The following ZBTB25 variants were observed in gnomAD, a reference collection of about 807,000 sequenced individuals.
The protein encoded by ZBTB25 is zinc finger and BTB domain containing 25.
A neutral mutation model predicts 34.2 loss-of-function variants in ZBTB25; 20 were observed. The ratio of observed to expected loss-of-function variants is 0.58; its 90% CI spans 0.41 to 0.85. ZBTB25 has a LOEUF of 0.85. Ranked by LOEUF, ZBTB25 falls within the 40% of genes least tolerant of loss-of-function variation. ZBTB25 has a pLI of 0.00. For synonymous variants in ZBTB25, 175 were observed against 186.4 expected, an observed-to-expected ratio of 0.94 and a Z score of 0.50; for missense variants, 437 against 521.8, an observed-to-expected ratio of 0.84 and a Z score of 1.58.
rs951976689 is a variant in ZBTB25, at chr14:64,483,860, C to T, written c.*3063G>A. The T allele has an allele frequency of 2.4e-4, 33 of 136,082 alleles. No homozygotes were observed. The highest frequency in any genetic ancestry group is 9.3e-4 in the African/African-American group (33 of 35,320). 8.4% of individuals were successfully genotyped at this position (136,082 alleles called of 1,614,324 possible). A position where few individuals can be genotyped will look rare whatever the true frequency, so the allele number is the denominator to read the frequency against. On this transcript the variant is annotated 3_prime_UTR_variant, in exon 3 of 3. Coordinates refer to ENST00000608382, the MANE Select transcript of ZBTB25 (RefSeq NM_006977.5). Reference sequence around the variant, plus strand: ...TCAGGAGGCTGAGGCAGGAGAATCACTTGAATTCGAGAGGCGGAGGTTGCA... The same window carrying T: ...TCAGGAGGCTGAGGCAGGAGAATCATTTGAATTCGAGAGGCGGAGGTTGCA...
intron 2 of ZBTB25, among the ~76,000 whole-genome samples, chr14:64,488,577 T>C (rs1251869623): frequency 6.6e-6 from 1 of 152,194 alleles, no homozygotes; most frequent in Non-Finnish European, 1.5e-5. Flanking sequence ...AATGGAATAT[T>C]ATTCAACCAT....
chr14:64,499,448 C>G (rs1001193945), intron 1 of ZBTB25: 1 of 152,182 alleles, frequency 6.6e-6, no homozygotes, highest in Non-Finnish European at 1.5e-5. Context: ...TACCTATAAT[C>G]CCGGCTACTC....
In ZBTB25 at chr14:64,487,226, T is replaced by C. The variant is rs147675775; in HGVS notation, c.1005A>G (p.Val335=). The C allele has an allele frequency of 8.9e-5, 143 of 1,614,112 alleles. No individual in the cohort carries two copies. The highest frequency in any genetic ancestry group is 1.2e-4 in the Non-Finnish European group (140 of 1,180,052). Residue 335 remains valine (V), a synonymous_variant, in exon 3 of 3, where the codon GTA becomes GTG. Transcript: ENST00000608382. ...VSLISKDTEP[V]ELNCNFSFSR... is the part of the protein sequence containing the mutation. ...AAAAAGAAAAATTACAGTTTAATTC[T>C]ACTGGCTCTGTGTCTTTGGAGATCA...
upstream of ZBTB25, chr14:64,504,967 G>C: frequency 2.5e-6 from 1 of 394,142 alleles, no homozygotes; most frequent in Non-Finnish European, 4.5e-6. Context: ...GCCAGTTGTG[G>C]GGCTATTTGC....
rs2078913083 is a variant in ZBTB25, at chr14:64,487,424, G to A, written c.807C>T (p.Val269=). Residue 269 remains valine (V), a synonymous_variant, in exon 3 of 3, where the codon GTC becomes GTT. Transcript: ENST00000608382. ...CATTACTTTCCAGAATGGAAGCAGG[G>A]ACACCGAATGGCAGGGATCCAGACA... ...THVSGSLPFG[V]PASILESNDL... The A allele has an allele frequency of 5.6e-6, 9 of 1,614,194 alleles. No individual in the cohort carries two copies. Among genetic ancestry groups the A allele is most frequent in the Non-Finnish European group, 7.6e-6 (9 of 1,180,036 alleles).
At chr14:64,455,330 A>G (rs1221909731) in intron 2 of ZBTB25, among the ~76,000 whole-genome samples, 25 of 152,214 alleles carry the variant, frequency 1.6e-4, no homozygotes, top group Non-Finnish European at 8.8e-5. Context: ...ATTTTTAAGT[A>G]AGGAATTTCC....
chr14:64,501,138 T>G (rs1335660537), intron 1 of ZBTB25, among the ~76,000 whole-genome samples: 1 of 152,244 alleles, frequency 6.6e-6, no homozygotes, highest in Non-Finnish European at 1.5e-5. Flanking sequence ...AACACTTTCT[T>G]CTTCCTCCTC....
chr14:64,502,427 T>C (rs2079527531), intron 1 of ZBTB25: 1 of 155,922 alleles, frequency 6.4e-6, no homozygotes. Context: ...CTAAAATATA[T>C]CCAGATTGTT....
At chr14:64,498,212 C>A (rs1005091533) in intron 1 of ZBTB25, among the ~76,000 whole-genome samples, 3 of 152,128 alleles carry the variant, frequency 2.0e-5, no homozygotes, top group African/African-American at 7.2e-5. Context: ...GCTGACTATA[C>A]TGTAAAACCT....
downstream of ZBTB25, among the ~76,000 whole-genome samples, chr14:64,476,236 C>T (rs1404759466): frequency 6.6e-6 from 1 of 152,232 alleles, no homozygotes; most frequent in Non-Finnish European, 1.5e-5. Flanking sequence ...ATATAAATTA[C>T]AACGCAAAGG....
At position 64,480,349 on chromosome 14, in the gene ZBTB25, A is replaced by G; in HGVS notation, c.*6574T>C. On this transcript the variant is annotated 3_prime_UTR_variant, in exon 3 of 3. Transcript: ENST00000608382. ...AAAAAAAAAAAAAAAAAAAAAAAGAAGAAGCAAAGCAAGAAACTTCTGGGA... is the reference window on the plus strand; with the variant it reads ...AAAAAAAAAAAAAAAAAAAAAAAGAGGAAGCAAAGCAAGAAACTTCTGGGA... 1 of 391,932 alleles carries G rather than the reference A, an allele frequency of 2.6e-6. No individual in the cohort carries two copies. Among genetic ancestry groups the G allele is most frequent in the Non-Finnish European group, 4.9e-6 (1 of 202,738 alleles). 24.3% of individuals were successfully genotyped at this position (391,932 alleles called of 1,614,324 possible).
At position 64,487,937 on chromosome 14, in the gene ZBTB25, C is replaced by T; in HGVS notation, c.294G>A (p.Gly98=). Residue 98 remains glycine (G), a synonymous_variant, in exon 3 of 3, where the codon GGG becomes GGA. Transcript: ENST00000608382. The part of the protein sequence containing the change: ...QIVDHSRLEE[G]IRFLHADYLS... ...GGTAGTCGGCGTGAAGAAATCGAAT[C>T]CCTTCCTCCAAACGACTATGATCCA... is the stretch of plus-strand genomic sequence containing the variant. 1 of 1,614,182 alleles carries T rather than the reference C, an allele frequency of 6.2e-7. No homozygotes were observed.
At chr14:64,449,667 G>T (rs779865519) in intron 2 of ZBTB25, 3 of 1,600,952 alleles carry the variant, frequency 1.9e-6, no homozygotes, top group Admixed American at 1.7e-5. Flanking sequence ...GACGAAAAGG[G>T]CACAGTGAAG....
chr14:64,459,468 G>A (rs2078527394), intron 2 of ZBTB25, among the ~76,000 whole-genome samples: 1 of 150,828 alleles, frequency 6.6e-6, no homozygotes, highest in African/African-American at 2.4e-5. Flanking sequence ...GAAGCAAACT[G>A]TAGTTTGATG....
At chr14:64,472,840 A>G (rs2078688659) in intron 2 of ZBTB25, 1 of 167,086 alleles carries the variant, frequency 6.0e-6, no homozygotes, top group Non-Finnish European at 1.5e-5. Context: ...GTGAATATAA[A>G]TAAGTTCTGT....
chr14:64,487,331 G>A lies in ZBTB25; in HGVS notation c.900C>T (p.Phe300=), dbSNP rs2078906826. The change falls in exon 3 of 3, where the codon TTC becomes TTT. Residue 300 remains phenylalanine, a synonymous_variant. Coordinates refer to ENST00000608382, the MANE Select transcript of ZBTB25 (RefSeq NM_006977.5). The part of the protein sequence containing the change: ...EALECRRLSS[F]IVKENEQQPD... Reference sequence around the variant, plus strand: ...GCTGCTGTTCATTCTCCTTAACAATGAAGGAGCTGAGCCTGCGGCATTCAA... The same window carrying A: ...GCTGCTGTTCATTCTCCTTAACAATAAAGGAGCTGAGCCTGCGGCATTCAA... 1 of 1,614,032 alleles carries A rather than the reference G, an allele frequency of 6.2e-7. No homozygotes were observed. The highest frequency in any genetic ancestry group is 2.2e-5 in the East Asian group (1 of 44,888).
chr14:64,502,670 T>C, intron 1 of ZBTB25: 1 of 985,466 alleles, frequency 1.0e-6, no homozygotes, highest in Non-Finnish European at 1.2e-6. Flanking sequence ...GGATACATTC[T>C]CTACAGGTGA....
upstream of ZBTB25, chr14:64,504,841 C>A (rs2079614878): frequency 5.1e-6 from 2 of 395,260 alleles, no homozygotes; most frequent in Non-Finnish European, 8.9e-6. Context: ...CGCCGCGCGC[C>A]GCCGCCACTG....
intron 1 of ZBTB25, among the ~76,000 whole-genome samples, chr14:64,499,982 T>C (rs765843675): frequency 6.6e-6 from 1 of 152,186 alleles, no homozygotes; most frequent in Non-Finnish European, 1.5e-5. Flanking sequence ...AATTCCCATC[T>C]AACCAACATT....
Sources: allele counts gnomAD v4.1 joint callset (sites outside exome capture counted in the v4.1 genomes callset), GRCh38; gene constraint gnomAD v4.1.1; transcripts MANE v1.5; gene names NCBI Gene and HGNC (gene_info 2026-07-23, HGNC 2026-07-21).